Variants in RRP12 observed in about 807,000 individuals in gnomAD.
The protein encoded by RRP12 is ribosomal RNA processing 12 homolog.
RRP12 carries 78 observed loss-of-function variants against 157.3 expected under a neutral mutation model. The ratio of observed to expected loss-of-function variants is 0.50; its 90% CI spans 0.41 to 0.60. RRP12 has a LOEUF of 0.60. Among genes scored for constraint, RRP12 ranks in the 20% least tolerant of loss-of-function variants. The pLI is 0.00. For synonymous variants in RRP12, 726 were observed against 670.9 expected (o/e 1.08, Z -1.27); for missense variants, 1,521 against 1,679.9 (o/e 0.91, Z 1.65).
chr10:97,370,396 G>T, intron 23 of RRP12, 59 bp downstream of exon 23: 2 of 1,416,926 alleles, frequency 1.4e-6, no homozygotes, highest in Non-Finnish European at 9.7e-7. Context: ...TTTTTGAGGG[G>T]TGCTTCCCCC....
chr10:97,384,261 T>C (rs1844552388), intron 10 of RRP12, among the ~76,000 whole-genome samples: 1 of 140,886 alleles, frequency 7.1e-6, no homozygotes, highest in Non-Finnish European at 1.5e-5. Context: ...ACCCCGAACC[T>C]TGGCAGCCAG....
At chr10:97,365,991 A>T (rs1843965185) in intron 29 of RRP12, 117 bp downstream of exon 29, 1 of 1,383,060 alleles carries the variant, frequency 7.2e-7, no homozygotes, top group South Asian at 1.2e-5. Flanking sequence ...AAAAAGTTTG[A>T]GGAAGCTGCC....
At chr10:97,381,287 G>A (rs1844459369) in intron 12 of RRP12, 99 bp downstream of exon 12, 5 of 874,456 alleles carry the variant, frequency 5.7e-6, no homozygotes, top group Non-Finnish European at 8.7e-6. Context: ...TGCCACTGCA[G>A]GCCTGGCCCA....
chr10:97,381,425 G>A lies in RRP12; in HGVS notation c.1379C>T (p.Ser460Leu), dbSNP rs755533722. The A allele has an allele frequency of 9.9e-6, 16 of 1,613,318 alleles. No individual in the cohort carries two copies. The highest frequency in any genetic ancestry group is 5.3e-5 in the African/African-American group (4 of 74,882). ...HMADIGSVTS[S>L]ASGPAQSVAK... Reference sequence around the variant, plus strand: ...AACAGATTGGGCAGGGCCTGAGGCCGAGGAGGTCACGGAGCCAATGTCAGC... The same window carrying A: ...AACAGATTGGGCAGGGCCTGAGGCCAAGGAGGTCACGGAGCCAATGTCAGC... The change falls in exon 12 of 34, where the codon TCG becomes TTG. Residue 460 changes from serine (S) to leucine (L), a missense_variant. Transcript: ENST00000370992.
chr10:97,400,978 A>G (rs1845130058), intron 1 of RRP12, 115 bp downstream of exon 1: 4 of 1,295,316 alleles, frequency 3.1e-6, no homozygotes, highest in Non-Finnish European at 4.2e-6. Context: ...CGACATCCTA[A>G]GAGACGAAAG....
At chr10:97,393,553 T>C (rs1844869783) in intron 4 of RRP12, 131 bp downstream of exon 4, 1 of 775,534 alleles carries the variant, frequency 1.3e-6, no homozygotes, top group African/African-American at 1.7e-5. Flanking sequence ...CCATTCTGCA[T>C]GCCTCTAGAC....
intron 2 of RRP12, among the ~76,000 whole-genome samples, chr10:97,397,442 G>A (rs1401028851): frequency 2.6e-5 from 4 of 152,194 alleles, no homozygotes; most frequent in Admixed American, 2.0e-4. Flanking sequence ...GATTACAGGC[G>A]TGAGCCACCT....
At position 97,356,903 on chromosome 10, in the gene RRP12, G is replaced by C. The variant is rs1843725250; in HGVS notation, c.*191C>G. The C allele has an allele frequency of 3.9e-6, 2 of 507,760 alleles. No homozygotes were observed. Among genetic ancestry groups the C allele is most frequent in the African/African-American group, 4.0e-5 (2 of 50,312 alleles). 31.5% of individuals were successfully genotyped at this position (507,760 alleles called of 1,614,324 possible). On this transcript the variant is annotated 3_prime_UTR_variant, in exon 34 of 34. Transcript: ENST00000370992. ...GCCACATTCCCATCTCCAGGCACCA[G>C]GGATGTCTCTGAAGGGTGATTCCAT... is the stretch of plus-strand genomic sequence containing the variant.
At chr10:97,386,904 G>A (rs1158007564) in intron 8 of RRP12, among the ~76,000 whole-genome samples, 1 of 152,044 alleles carries the variant, frequency 6.6e-6, no homozygotes, top group African/African-American at 2.4e-5. Flanking sequence ...GCAGGAGAAT[G>A]GCGTGAACCC....
At chr10:97,357,463 A>G (rs1843740226) in intron 33 of RRP12, among the ~76,000 whole-genome samples, 1 of 152,180 alleles carries the variant, frequency 6.6e-6, no homozygotes, top group Non-Finnish European at 1.5e-5. Flanking sequence ...GAGAAGGTCA[A>G]AGCTCCCTCT....
rs139760006 is a variant in RRP12 at position 97,366,762 on chromosome 10, G to A, written c.3195C>T (p.Pro1065=). 42 of 1,612,004 alleles carry A rather than the reference G, an allele frequency of 2.6e-5. No homozygotes were observed. The highest frequency in any genetic ancestry group is 8.3e-5 in the Admixed American group (5 of 59,954). The change falls in exon 27 of 34, where the codon CCC becomes CCT. Residue 1065 remains proline (P), a synonymous_variant. Transcript: ENST00000370992. ...EEEEEEEEEE[P]AQGKGDSIEE... is the part of the protein sequence containing the mutation. ...CTCACCTGTCACCTTTGCCCTGGGC[G>A]GGCTCCTCCTCCTCCTCCTCCTCTT...
At chr10:97,377,980 A>G (rs906668114) in intron 15 of RRP12, among the ~76,000 whole-genome samples, 2 of 152,204 alleles carry the variant, frequency 1.3e-5, no homozygotes, top group African/African-American at 4.8e-5. Flanking sequence ...TGAAGCCATC[A>G]CTAGGCTGAG....
intron 30 of RRP12, among the ~76,000 whole-genome samples, chr10:97,361,492 T>C (rs1257500142): frequency 1.3e-5 from 2 of 152,130 alleles, no homozygotes; most frequent in Non-Finnish European, 1.5e-5. Context: ...GGGCTCCAGC[T>C]ACCCAGGGGA....
In RRP12 at chr10:97,395,492, C is replaced by G. The variant is rs147697095; in HGVS notation, c.453+726G>C. 1.2e-4 allele frequency among the ~76,000 whole-genome samples: 18 copies of G among 150,576 alleles called. No homozygotes were observed. In the East Asian group the frequency reaches 3.5e-3, roughly 30 times the overall value. The stretch of plus-strand genomic sequence containing the variant: ...GCTTGATACCATGAGACAGAGGTTG[C>G]AGTGAACTGGGATCGTGCCACTGCA... On this transcript the variant is annotated intron_variant, in intron 3 of 33. Transcript: ENST00000370992.
Position 97,383,474 on chromosome 10 carries a change from C to T in RRP12, c.1209-1648G>A, listed in dbSNP as rs148663932. Among the ~76,000 whole-genome samples the T allele has an allele frequency of 4.5e-3, 687 of 152,308 alleles. 9 individuals carry two copies. The highest frequency in any genetic ancestry group is 5.9e-3 in the Non-Finnish European group (401 of 68,014). ...ACACAGATGAACAGTGTTTGGCACA[C>T]GCCTGGGTGACAGCAGGCTGCCTGG... On this transcript the variant is annotated intron_variant, in intron 10 of 33. Transcript: ENST00000370992.
In RRP12 at chr10:97,381,488, G is replaced by C; in HGVS notation, c.1321-5C>G. On this transcript the variant is annotated splice_region_variant and splice_polypyrimidine_tract_variant and intron_variant, in intron 11 of 33. Coordinates refer to ENST00000370992, the MANE Select transcript of RRP12 (RefSeq NM_015179.4). ...CACGCATTCCTTCAGGATCTCCTGC[G>C]AAGAGAGGCCACAGGCTTTCTGGGC... 1 of 1,604,488 alleles carries C rather than the reference G, an allele frequency of 6.2e-7. No homozygotes were observed. Among genetic ancestry groups the C allele is most frequent in the Admixed American group, 1.7e-5 (1 of 58,726 alleles).
At chr10:97,365,801 G>A in intron 29 of RRP12, 1 of 280,290 alleles carries the variant, frequency 3.6e-6, no homozygotes, top group Non-Finnish European at 6.7e-6. Context: ...AAGAAAAGGA[G>A]AAAGGAAGAG....
At chr10:97,371,246 G>T in intron 20 of RRP12, 165 bp from the exon 21 acceptor site, 1 of 719,546 alleles carries the variant, frequency 1.4e-6, no homozygotes, top group Non-Finnish European at 2.3e-6. Context: ...CTAACTCCTG[G>T]GCGAGGCACA....
intron 15 of RRP12, among the ~76,000 whole-genome samples, chr10:97,376,363 T>C (rs1844308546): frequency 6.6e-6 from 1 of 151,592 alleles, no homozygotes; most frequent in South Asian, 2.1e-4. Context: ...TACAGGTGCG[T>C]GCCACCATGC....
Sources: allele counts gnomAD v4.1 joint callset (sites outside exome capture counted in the v4.1 genomes callset), GRCh38; gene constraint gnomAD v4.1.1; transcripts MANE v1.5; gene names NCBI Gene and HGNC (gene_info 2026-07-23, HGNC 2026-07-21).